The following ADCY10 variants were observed in gnomAD, a reference collection of about 807,000 sequenced individuals.
ADCY10 encodes adenylate cyclase type 10.
ADCY10 carries 156 observed loss-of-function variants against 183.3 expected under a neutral mutation model. That is an observed-to-expected ratio of 0.85 (90% confidence interval 0.75 to 0.97). ADCY10 has a LOEUF of 0.97. ADCY10 is among the 50% of genes least tolerant of loss of function. The probability of loss-of-function intolerance (pLI) is 0.00; values close to 1 mark genes in which losing one functional copy is unlikely to be tolerated. For synonymous variants in ADCY10, 645 were observed against 670.0 expected (o/e 0.96, Z 0.58); for missense variants, 1,745 against 1,934.3 (o/e 0.90, Z 1.84).
At chr1:167,861,405 C>A (rs1218084544) in intron 14 of ADCY10, among the ~76,000 whole-genome samples, 2 of 152,228 alleles carry the variant, frequency 1.3e-5, no homozygotes, top group African/African-American at 4.8e-5. Flanking sequence ...ATGTGACACA[C>A]AAGACTTTCC....
At chr1:167,908,660 A>G (rs1669963967) in intron 1 of ADCY10, among the ~76,000 whole-genome samples, 1 of 152,232 alleles carries the variant, frequency 6.6e-6, no homozygotes, top group Non-Finnish European at 1.5e-5. Flanking sequence ...TACACCATAA[A>G]TATGTACACT....
At chr1:167,898,825 C>T (rs1669193404) in intron 6 of ADCY10, among the ~76,000 whole-genome samples, 1 of 152,150 alleles carries the variant, frequency 6.6e-6, no homozygotes, top group Non-Finnish European at 1.5e-5. Flanking sequence ...ATTCCTTTGG[C>T]TCATCTAGCA....
rs375919941 is a variant in ADCY10, at chr1:167,889,535, CT to C, written c.828+4317del. Among the ~76,000 whole-genome samples the C allele has an allele frequency of 7.5e-3, 1,144 of 152,162 alleles. 9 individuals carry two copies. Among genetic ancestry groups the C allele is most frequent in the African/African-American group, 0.026 (1,091 of 41,502 alleles). ...ATCAGAGATACTGGCCTGTAGCTTT[CT>C]TTTTTTGATGTACTTTTGTCTGGTT... On this transcript the variant is annotated intron_variant, in intron 8 of 32. Transcript: ENST00000367851.
At chr1:167,899,369 G>C in intron 6 of ADCY10, 54 bp downstream of exon 6, 7 of 1,558,974 alleles carry the variant, frequency 4.5e-6, no homozygotes, top group Middle Eastern at 1.7e-4. Context: ...TTCTGGCAGG[G>C]GGCCTCTGTT....
chr1:167,878,719 C>T, intron 11 of ADCY10, 84 bp from the exon 12 acceptor site: 1 of 1,375,588 alleles, frequency 7.3e-7, no homozygotes, highest in Non-Finnish European at 1.0e-6. Flanking sequence ...CCCCAAATAG[C>T]ATTTTTACCC....
chr1:167,823,214 C>A lies in ADCY10; in HGVS notation c.4053-91G>T, dbSNP rs927916605. The A allele has an allele frequency of 3.4e-5, 36 of 1,058,740 alleles. 1 individual carries two copies. The Admixed American group carries it at 3.6e-4, about 10-fold the overall frequency. The allele number at this position is 1,058,740 out of a possible 1,614,324, so 65.6% of individuals were successfully genotyped here. A position where few individuals can be genotyped will look rare whatever the true frequency, so the allele number is the denominator to read the frequency against. On this transcript the variant is annotated intron_variant, in intron 28 of 32. Transcript: ENST00000367851. ...GGCTGAGGTGGGTGGATCACGAGGTCAGGAGTTCGAGACCAGCCTGGCCAA... is the reference window on the plus strand; with the variant it reads ...GGCTGAGGTGGGTGGATCACGAGGTAAGGAGTTCGAGACCAGCCTGGCCAA...
At chr1:167,877,424 C>G (rs1667551158) in intron 12 of ADCY10, among the ~76,000 whole-genome samples, 1 of 151,740 alleles carries the variant, frequency 6.6e-6, no homozygotes, top group African/African-American at 2.4e-5. Context: ...GACACCTTGA[C>G]CCAACTGCAG....
At chr1:167,844,416 T>A (rs1571280722) in intron 21 of ADCY10, among the ~76,000 whole-genome samples, 1 of 152,346 alleles carries the variant, frequency 6.6e-6, no homozygotes, top group East Asian at 1.9e-4. Context: ...TTTCTCATTC[T>A]CTTGATTTCT....
intron 31 of ADCY10, among the ~76,000 whole-genome samples, chr1:167,817,029 C>T (rs749514502): frequency 6.6e-6 from 1 of 152,144 alleles, no homozygotes; most frequent in Non-Finnish European, 1.5e-5. Flanking sequence ...CCAGACCAGA[C>T]CACCCAGGCT....
At chr1:167,894,409 G>C (rs1358872154) in intron 7 of ADCY10, among the ~76,000 whole-genome samples, 1 of 152,110 alleles carries the variant, frequency 6.6e-6, no homozygotes, top group East Asian at 1.9e-4. Context: ...TCACTTTGCT[G>C]CCCTGGTTGC....
chr1:167,909,857 C>G (rs1432469242), intron 1 of ADCY10, among the ~76,000 whole-genome samples: 1 of 152,144 alleles, frequency 6.6e-6, no homozygotes, highest in African/African-American at 2.4e-5. Flanking sequence ...CTTACTGTCT[C>G]TTGTCTCTGA....
Position 167,878,500 on chromosome 1 carries a change from T to G in ADCY10, c.1352A>C (p.Lys451Thr), listed in dbSNP as rs1237924993. 3 of 1,614,166 alleles carry G rather than the reference T, an allele frequency of 1.9e-6. No individual in the cohort carries two copies. Residue 451 changes from lysine to threonine, a missense_variant, in exon 12 of 33, where the codon AAA (lysine) becomes ACA (threonine). Transcript: ENST00000367851. ...FFKELPKKVM[K>T]GVADSGPLYQ... ...CAATGGTCCAGAATCTGCAACACCT[T>G]TCATAACTTTCTTTGGAAGCTCTTT...
intron 25 of ADCY10, 118 bp downstream of exon 25, chr1:167,832,869 C>G: frequency 2.8e-6 from 3 of 1,079,170 alleles, no homozygotes; most frequent in Non-Finnish European, 4.1e-6. Flanking sequence ...ATGGTCAGAG[C>G]CAAACAGGAG....
At chr1:167,818,295 A>AT (rs1411709017) in intron 30 of ADCY10, 28 bp from the exon 31 acceptor site, 1 of 1,594,730 alleles carries the variant, frequency 6.3e-7, no homozygotes, top group East Asian at 2.2e-5. Flanking sequence ...AATAAGAAAA[A>AT]TCAGTATCAC....
chr1:167,851,693 A>G (rs933555145), intron 18 of ADCY10, among the ~76,000 whole-genome samples: 3 of 152,036 alleles, frequency 2.0e-5, no homozygotes, highest in Non-Finnish European at 4.4e-5. Context: ...GCATGGTGGC[A>G]GTTGCCTGTA....
intron 13 of ADCY10, among the ~76,000 whole-genome samples, chr1:167,872,513 T>C (rs893588524): frequency 2.0e-5 from 3 of 152,062 alleles, no homozygotes; most frequent in Non-Finnish European, 4.4e-5. Context: ...ATGCACCTTG[T>C]TTCTATCTAA....
At chr1:167,901,944 T>C in intron 4 of ADCY10, 72 bp downstream of exon 4, 2 of 1,607,874 alleles carry the variant, frequency 1.2e-6, no homozygotes, top group South Asian at 2.2e-5. Context: ...ATGCCTCCTT[T>C]GTCCCCAACA....
At chr1:167,900,347 T>G (rs1319703124) in intron 5 of ADCY10, among the ~76,000 whole-genome samples, 1 of 152,102 alleles carries the variant, frequency 6.6e-6, no homozygotes, top group Non-Finnish European at 1.5e-5. Context: ...CACACTGATG[T>G]TTGGACTTAC....
intron 31 of ADCY10, 25 bp from the exon 32 acceptor site, chr1:167,810,938 T>C (rs1365707292): frequency 2.5e-6 from 4 of 1,609,712 alleles, no homozygotes; most frequent in African/African-American, 2.7e-5. Flanking sequence ...CCCACAACAG[T>C]ATATTAGAAT....
Sources: allele counts gnomAD v4.1 joint callset (sites outside exome capture counted in the v4.1 genomes callset), GRCh38; gene constraint gnomAD v4.1.1; transcripts MANE v1.5; gene names NCBI Gene and HGNC (gene_info 2026-07-23, HGNC 2026-07-21).